Variants in MAPKAP1 observed in about 807,000 individuals in gnomAD.
MAPKAP1 encodes the protein MAPK associated protein 1, also known as target of rapamycin complex 2 subunit MAPKAP1.
Under a neutral mutation model 65.7 loss-of-function variants are expected in MAPKAP1, and 20 were observed. That is an observed-to-expected ratio of 0.30 (90% confidence interval 0.21 to 0.44). The LOEUF (loss-of-function observed/expected upper bound fraction) is 0.44. Ranked by LOEUF, MAPKAP1 falls within the 20% of genes least tolerant of loss-of-function variation. MAPKAP1 has a pLI of 1.00. For missense variants in MAPKAP1, 423 were observed against 648.0 expected (o/e 0.65, Z 3.77); for synonymous variants, 222 against 244.3 (o/e 0.91, Z 0.85).
At chr9:125,539,480 T>C (rs1013034872) in intron 7 of MAPKAP1, among the ~76,000 whole-genome samples, 8 of 152,232 alleles carry the variant, frequency 5.3e-5, no homozygotes, top group African/African-American at 1.2e-4. Flanking sequence ...ATGTTAAACA[T>C]TGAAATTGAT....
intron 7 of MAPKAP1, among the ~76,000 whole-genome samples, chr9:125,523,503 T>G (rs929870986): frequency 2.6e-5 from 4 of 152,204 alleles, no homozygotes; most frequent in African/African-American, 9.6e-5. Context: ...CTATGGAACC[T>G]TGTAAATGTG....
intron 7 of MAPKAP1, among the ~76,000 whole-genome samples, chr9:125,537,574 T>A (rs1289059221): frequency 6.6e-6 from 1 of 152,146 alleles, no homozygotes; most frequent in Non-Finnish European, 1.5e-5. Context: ...CTTGACCTCC[T>A]GGGTTTAACC....
At position 125,637,955 on chromosome 9, in the gene MAPKAP1, T is replaced by C. The variant is rs986878699; in HGVS notation, c.498+19696A>G. 3.3e-5 allele frequency among the ~76,000 whole-genome samples: 5 copies of C among 152,238 alleles called. No individual in the cohort carries two copies. The East Asian group carries it at 9.6e-4, about 29-fold the overall frequency. The stretch of plus-strand genomic sequence containing the variant: ...ACCTGGCTAATTTTTGTGTTTTTGG[T>C]AGAGACGGGTTTCACCATGTTGGCC... On this transcript the variant is annotated intron_variant, in intron 4 of 11. Transcript: ENST00000265960.
At chr9:125,693,844 C>T (rs78609652) in intron 1 of MAPKAP1, among the ~76,000 whole-genome samples, 2 of 133,290 alleles carry the variant, frequency 1.5e-5, no homozygotes, top group Admixed American at 1.5e-4. Flanking sequence ...TATATACACA[C>T]ATACACACAC....
At position 125,650,206 on chromosome 9, in the gene MAPKAP1, T is replaced by C. The variant is rs79756403; in HGVS notation, c.498+7445A>G. Reference sequence around the variant, plus strand: ...GCACTGCAAAAAATGTCTTGATTAGTTTCTCTATCCTCACAAACCCTTCTC... The same window carrying C: ...GCACTGCAAAAAATGTCTTGATTAGCTTCTCTATCCTCACAAACCCTTCTC... On this transcript the variant is annotated intron_variant, in intron 4 of 11. Coordinates refer to ENST00000265960, the MANE Select transcript of MAPKAP1 (RefSeq NM_001006617.3). Among the ~76,000 whole-genome samples, 668 of 152,300 alleles carry C rather than the reference T, an allele frequency of 4.4e-3. 4 individuals carry two copies. The highest frequency in any genetic ancestry group is 0.015 in the African/African-American group (625 of 41,548).
chr9:125,637,435 G>C (rs1833457129), intron 4 of MAPKAP1, among the ~76,000 whole-genome samples: 1 of 152,070 alleles, frequency 6.6e-6, no homozygotes, highest in African/African-American at 2.4e-5. Context: ...CCAGATGTAT[G>C]AAAAAATTAG....
At chr9:125,570,214 G>A (rs1368294242) in intron 5 of MAPKAP1, among the ~76,000 whole-genome samples, 3 of 152,150 alleles carry the variant, frequency 2.0e-5, no homozygotes, top group Non-Finnish European at 4.4e-5. Context: ...TAAAATAACT[G>A]GTTGTTTAAA....
chr9:125,626,023 A>G (rs904468199), intron 4 of MAPKAP1, among the ~76,000 whole-genome samples: 4 of 152,236 alleles, frequency 2.6e-5, no homozygotes, highest in Admixed American at 2.6e-4. Context: ...AGTCCATATC[A>G]TTAAGGACTG....
chr9:125,489,990 A>G (rs750585298), intron 8 of MAPKAP1, among the ~76,000 whole-genome samples: 2 of 152,102 alleles, frequency 1.3e-5, no homozygotes, highest in African/African-American at 2.4e-5. Flanking sequence ...CCCTTCCCTC[A>G]AGTGGTTAAA....
rs1342497755 is a variant in MAPKAP1, at chr9:125,595,873, T to C, written c.499-10146A>G. 1.3e-5 allele frequency: 15 copies of C among 1,143,382 alleles called. No individual in the cohort carries two copies. Among genetic ancestry groups the C allele is most frequent in the Non-Finnish European group, 1.8e-5 (14 of 765,990 alleles). 70.8% of individuals were successfully genotyped at this position (1,143,382 alleles called of 1,614,324 possible). A position where few individuals can be genotyped will look rare whatever the true frequency, so the allele number is the denominator to read the frequency against. On this transcript the variant is annotated intron_variant, in intron 4 of 11. Coordinates refer to ENST00000265960, the MANE Select transcript of MAPKAP1 (RefSeq NM_001006617.3). The surrounding 1 kb of genome is among the most constrained non-coding windows in gnomAD (Gnocchi z 4.0). ...CCTATGCCACTGTGGAGGAGGTGGA[T>C]GCAGCCATGAATGCAAGGCCACACA...
At chr9:125,691,914 GAA>G (rs1366056674) in intron 1 of MAPKAP1, among the ~76,000 whole-genome samples, 1 of 152,178 alleles carries the variant, frequency 6.6e-6, no homozygotes, top group African/African-American at 2.4e-5. Context: ...GAACCTGGCT[GAA>G]CAGAGAAAAA....
At chr9:125,678,786 T>G (rs559687006) in intron 1 of MAPKAP1, among the ~76,000 whole-genome samples, 1 of 152,142 alleles carries the variant, frequency 6.6e-6, no homozygotes, top group South Asian at 2.1e-4. Context: ...CGTCTTAATA[T>G]AATTTTGGAT....
chr9:125,581,354 G>C (rs1831619344), intron 5 of MAPKAP1, among the ~76,000 whole-genome samples: 1 of 152,204 alleles, frequency 6.6e-6, no homozygotes, highest in Non-Finnish European at 1.5e-5. Context: ...CTACATCCTT[G>C]CCAGCAATTG....
chr9:125,483,821 TAACACAGTGACTAATACAC>T (rs1179403421), intron 9 of MAPKAP1, among the ~76,000 whole-genome samples: 1 of 152,160 alleles, frequency 6.6e-6, no homozygotes, highest in Admixed American at 6.5e-5. Context: ...GTAAAGCACT[TAACACAGTGACTAATACAC>T]AGCAGACACC....
intron 4 of MAPKAP1, among the ~76,000 whole-genome samples, chr9:125,606,668 T>C (rs535066942): frequency 1.3e-5 from 2 of 152,342 alleles, no homozygotes; most frequent in Admixed American, 1.3e-4. Context: ...TTTCATTCTC[T>C]ACATGCCTTT....
At chr9:125,551,587 GA>G (rs1359798438) in intron 6 of MAPKAP1, among the ~76,000 whole-genome samples, 1 of 151,850 alleles carries the variant, frequency 6.6e-6, no homozygotes, top group Non-Finnish European at 1.5e-5. Flanking sequence ...ATATATATAG[GA>G]GACAGTTTAA....
intron 8 of MAPKAP1, among the ~76,000 whole-genome samples, chr9:125,489,870 T>C (rs1854636385): frequency 6.6e-6 from 1 of 152,172 alleles, no homozygotes; most frequent in African/African-American, 2.4e-5. Context: ...ATTCAAACTG[T>C]CACTCAAAGT....
At chr9:125,639,666 G>A (rs1026294505) in intron 4 of MAPKAP1, among the ~76,000 whole-genome samples, 1 of 152,182 alleles carries the variant, frequency 6.6e-6, no homozygotes, top group Non-Finnish European at 1.5e-5. Flanking sequence ...TACAGAGGAG[G>A]AGGCCACTCT....
chr9:125,638,183 T>C lies in MAPKAP1; in HGVS notation c.498+19468A>G, dbSNP rs372214500. On this transcript the variant is annotated intron_variant, in intron 4 of 11. Transcript: ENST00000265960. ...GTGGAGGAGTTTAGTTTTGCTACCT[T>C]GGAAGGGCAGTGGGAGTATTTAATC... Among the ~76,000 whole-genome samples the C allele has an allele frequency of 1.5e-4, 23 of 152,284 alleles. No homozygotes were observed. In the East Asian group the frequency reaches 2.7e-3, roughly 18 times the overall value.
Sources: gnomAD v4.1 joint callset for allele counts (sites outside exome capture counted in the v4.1 genomes callset) on GRCh38, gnomAD v4.1.1 for gene constraint, Gnocchi (gnomAD v3.1) non-coding constraint, MANE v1.5 for transcripts, NCBI Gene and HGNC (gene_info 2026-07-23, HGNC 2026-07-21) for gene names.